The following PACRGL variants were observed in gnomAD, a reference collection of about 807,000 sequenced individuals.
The protein encoded by PACRGL is parkin coregulated like.
Under a neutral mutation model 34.5 loss-of-function variants are expected in PACRGL, and 38 were observed. The observed-to-expected ratio is 1.10, with a 90% CI of 0.85 to 1.44. The LOEUF is 1.44. Among genes scored for constraint, PACRGL ranks in the 40% most tolerant of loss-of-function variants. The pLI, the probability that PACRGL is intolerant of heterozygous loss-of-function variation, is 0.00. For synonymous variants in PACRGL, 128 were observed against 100.1 expected, an observed-to-expected ratio of 1.28 and a Z score of -1.66; for missense variants, 305 against 281.4, an observed-to-expected ratio of 1.08 and a Z score of -0.60.
At chr4:20,701,632 A>G in intron 1 of PACRGL, 1 of 295,738 alleles carries the variant, frequency 3.4e-6, no homozygotes, top group Non-Finnish European at 6.8e-6. Context: ...TTCACAAACA[A>G]CTCATGCTCC....
At chr4:20,737,052 A>T (rs1208312543), downstream of PACRGL, among the ~76,000 whole-genome samples, 1 of 152,206 alleles carries the variant, frequency 6.6e-6, no homozygotes. Flanking sequence ...TTCAATAGCT[A>T]TGGAAAGAAT....
intron 8 of PACRGL, among the ~76,000 whole-genome samples, chr4:20,740,952 A>G (rs951384422): frequency 1.3e-5 from 2 of 152,232 alleles, no homozygotes; most frequent in Non-Finnish European, 2.9e-5. Context: ...CATTAAACCA[A>G]CAAAGATCAA....
At position 20,706,060 on chromosome 4, in the gene PACRGL, A is replaced by G. The variant is rs73805125; in HGVS notation, c.207+1246A>G. 5.3e-3 allele frequency among the ~76,000 whole-genome samples: 802 copies of G among 151,978 alleles called. 10 individuals carry two copies. The highest frequency in any genetic ancestry group is 0.018 in the African/African-American group (743 of 41,424). ...AATTCAGTGTAGTATAGTATATAAC[A>G]TTAATACAGAGTTGAAATATGGTCT... On this transcript the variant is annotated intron_variant, in intron 3 of 8. Transcript: ENST00000503585.
At chr4:20,727,194 A>G (rs1408034676) in intron 8 of PACRGL, 91 bp from the exon 9 acceptor site, 3 of 1,142,966 alleles carry the variant, frequency 2.6e-6, no homozygotes, top group East Asian at 2.4e-5. Context: ...TTTGAGTTTT[A>G]GATACTTTCT....
chr4:20,766,399 G>A, the PACRGL span, among the ~76,000 whole-genome samples: 2 of 151,942 alleles, frequency 1.3e-5, no homozygotes. Context: ...AACCCTGTCT[G>A]TACTAAAAAT....
At chr4:20,715,593 C>T (rs1362851088) in intron 7 of PACRGL, among the ~76,000 whole-genome samples, 8 of 151,970 alleles carry the variant, frequency 5.3e-5, no homozygotes, top group African/African-American at 1.9e-4. Flanking sequence ...ACCACCCGGG[C>T]GTAGTGGCTC....
rs185931673 is a variant in PACRGL at position 20,727,818 on chromosome 4, G to T, written c.*477G>T. On this transcript the variant is annotated 3_prime_UTR_variant, in exon 9 of 9. Coordinates refer to ENST00000503585, the MANE Select transcript of PACRGL (RefSeq NM_001258345.3). ...TGTTTTAAAAGAGAAAAGCGGTCTT[G>T]CTTTGTTGCCCAGACTGGAGTGCAG... The T allele has an allele frequency of 3.4e-3, 521 of 155,422 alleles. 3 individuals carry two copies. The highest frequency in any genetic ancestry group is 0.011 in the Admixed American group (165 of 15,646). The allele number at this position is 155,422 out of a possible 1,614,324, so 9.6% of individuals were successfully genotyped here.
chr4:20,732,155 G>T lies in PACRGL; in HGVS notation c.*4814G>T. ...CCAAATGAGCTGAAGCTGATAAAAA[G>T]AAAACCTAGCTGCTTATTTATTTCA... On this transcript the variant is annotated 3_prime_UTR_variant, in exon 9 of 9. Transcript: ENST00000503585. 1 of 879,992 alleles carries T rather than the reference G, an allele frequency of 1.1e-6. No homozygotes were observed. The highest frequency in any genetic ancestry group is 2.3e-5 in the Admixed American group (1 of 43,100). The allele number at this position is 879,992 out of a possible 1,614,324, so 54.5% of individuals were successfully genotyped here.
chr4:20,729,912 T>C lies in PACRGL; in HGVS notation c.*2571T>C. ...GCATTATGAAAAGGATGCAAATTTA[T>C]AACTGAAAGCTCAAATCTTTTGGGG... On this transcript the variant is annotated 3_prime_UTR_variant, in exon 9 of 9. Transcript: ENST00000503585. 1.5e-6 allele frequency: 1 copy of C among 676,336 alleles called. No individual in the cohort carries two copies. Among genetic ancestry groups the C allele is most frequent in the East Asian group, 3.2e-5 (1 of 31,382 alleles). 41.9% of individuals were successfully genotyped at this position (676,336 alleles called of 1,614,324 possible). A position where few individuals can be genotyped will look rare whatever the true frequency, so the allele number is the denominator to read the frequency against.
At position 20,727,345 on chromosome 4, in the gene PACRGL, AG is replaced by A; in HGVS notation, c.*7del. The A allele has an allele frequency of 1.9e-6, 3 of 1,610,062 alleles. No homozygotes were observed. Among genetic ancestry groups the A allele is most frequent in the Non-Finnish European group, 2.5e-6 (3 of 1,176,574 alleles). ...ATACTGCTCCATATGCTGTTGAAGA[AG>A]GGAGCCAACAAAAATTGTTTTTTCT... On this transcript the variant is annotated 3_prime_UTR_variant, in exon 9 of 9. Coordinates refer to ENST00000503585, the MANE Select transcript of PACRGL (RefSeq NM_001258345.3).
In PACRGL at chr4:20,704,746, T is replaced by C; in HGVS notation, c.139T>C (p.Ser47Pro). The change falls in exon 3 of 9, where the codon TCT (serine) becomes CCT (proline). Residue 47 changes from serine (S) to proline (P), a missense_variant. By Grantham distance (74) the Ser-to-Pro change is moderately conservative (BLOSUM62 -1). Transcript: ENST00000503585. ...AAGCAAATCCTCATTGTCAACCAGT[T>C]CTCCAGAGTCTGCAAGAAAACTTCA... ...QGSKSSLSTS[S>P]PESARKLHPR... The C allele has an allele frequency of 6.2e-7, 1 of 1,614,020 alleles. No individual in the cohort carries two copies. The highest frequency in any genetic ancestry group is 8.5e-7 in the Non-Finnish European group (1 of 1,179,956).
At position 20,724,907 on chromosome 4, in the gene PACRGL, C is replaced by T. The variant is rs1210070585; in HGVS notation, c.690+19C>T. 3.7e-6 allele frequency: 5 copies of T among 1,348,356 alleles called. No homozygotes were observed. In the South Asian group the frequency reaches 6.5e-5, roughly 18 times the overall value. 83.5% of individuals were successfully genotyped at this position (1,348,356 alleles called of 1,614,324 possible). A position where few individuals can be genotyped will look rare whatever the true frequency, so the allele number is the denominator to read the frequency against. ...TGGAAGTGTAAGTAGAATATTATTCCTTAAGTCTTTTTTTTTAACTTTTAG... is the reference window on the plus strand; with the variant it reads ...TGGAAGTGTAAGTAGAATATTATTCTTTAAGTCTTTTTTTTTAACTTTTAG... On this transcript the variant is annotated intron_variant, in intron 8 of 8. Transcript: ENST00000503585.
intron 8 of PACRGL, among the ~76,000 whole-genome samples, chr4:20,745,204 T>C (rs1293474389): frequency 6.8e-6 from 1 of 147,794 alleles, no homozygotes; most frequent in Non-Finnish European, 1.5e-5. Context: ...TGTGAACCAA[T>C]GAAATTACCA....
chr4:20,704,832 C>T lies in PACRGL; in HGVS notation c.207+18C>T, dbSNP rs750041166. On this transcript the variant is annotated intron_variant, in intron 3 of 8. Coordinates refer to ENST00000503585, the MANE Select transcript of PACRGL (RefSeq NM_001258345.3). ...TTAATCCGGTAGGTCCAAAACTATT[C>T]CTAACTCAGTAGATTTTTTAAAGGC... 2 of 1,612,080 alleles carry T rather than the reference C, an allele frequency of 1.2e-6. No individual in the cohort carries two copies. The highest frequency in any genetic ancestry group is 2.2e-5 in the East Asian group (1 of 44,842).
upstream of PACRGL, among the ~76,000 whole-genome samples, chr4:20,698,325 C>G (rs2149012438): frequency 6.6e-6 from 1 of 152,300 alleles, no homozygotes; most frequent in East Asian, 1.9e-4. Flanking sequence ...CCCATTCTCT[C>G]TTAAATAGAA....
chr4:20,742,637 C>A (rs1751407963), intron 8 of PACRGL, among the ~76,000 whole-genome samples: 1 of 152,126 alleles, frequency 6.6e-6, no homozygotes, highest in African/African-American at 2.4e-5. Context: ...TGGACTCATT[C>A]CCTTTGAAAA....
chr4:20,744,850 T>A (rs1370197189), intron 8 of PACRGL, among the ~76,000 whole-genome samples: 7 of 152,190 alleles, frequency 4.6e-5, no homozygotes, highest in Non-Finnish European at 1.0e-4. Context: ...CTAGCCCTAG[T>A]AGGTCCCAAA....
In PACRGL at chr4:20,729,310, T is replaced by C. The variant is rs1208458130; in HGVS notation, c.*1969T>C. The stretch of plus-strand genomic sequence containing the variant: ...GTTTGATGCCTTCTTCAACTTCCAC[T>C]TAATGATTGATACTAATGATTGATA... On this transcript the variant is annotated 3_prime_UTR_variant, in exon 9 of 9. Transcript: ENST00000503585. 2.6e-5 allele frequency: 4 copies of C among 151,742 alleles called. No homozygotes were observed. Among genetic ancestry groups the C allele is most frequent in the African/African-American group, 9.7e-5 (4 of 41,382 alleles). 9.4% of individuals were successfully genotyped at this position (151,742 alleles called of 1,614,324 possible). A position where few individuals can be genotyped will look rare whatever the true frequency, so the allele number is the denominator to read the frequency against.
At chr4:20,702,460 G>A (rs964020) in intron 1 of PACRGL, among the ~76,000 whole-genome samples, 25,347 of 152,162 alleles carry the variant, frequency 0.17, 2,194 homozygotes, top group Middle Eastern at 0.23. Flanking sequence ...TAATACTGAA[G>A]AACACTTTGT....
Sources: allele counts gnomAD v4.1 joint callset (sites outside exome capture counted in the v4.1 genomes callset), GRCh38; gene constraint gnomAD v4.1.1; transcripts MANE v1.5; gene names NCBI Gene and HGNC (gene_info 2026-07-23, HGNC 2026-07-21).